ARHGAP22: variants seen among roughly 807,000 people sequenced by gnomAD.
ARHGAP22 encodes the protein rho GTPase-activating protein 22.
In ARHGAP22, 48 loss-of-function variants were observed where a neutral mutation model predicts 59.1. That is an observed-to-expected ratio of 0.81 (90% confidence interval 0.64 to 1.03). ARHGAP22 has a LOEUF of 1.03. Among genes scored for constraint, ARHGAP22 ranks in the 50% least tolerant of loss-of-function variants. The pLI is 0.00. For missense variants in ARHGAP22, 1,015 were observed against 958.7 expected (o/e 1.06, Z -0.78); for synonymous variants, 445 against 416.4 (o/e 1.07, Z -0.84).
intron 2 of ARHGAP22, among the ~76,000 whole-genome samples, chr10:48,568,911 C>T (rs906059773): frequency 1.2e-4 from 18 of 152,342 alleles, no homozygotes; most frequent in African/African-American, 3.6e-4. Context: ...TCTCTGCCCA[C>T]GAAGAACAGA....
intron 1 of ARHGAP22, among the ~76,000 whole-genome samples, chr10:48,602,435 G>C (rs141831112): frequency 6.6e-6 from 1 of 151,744 alleles, no homozygotes; most frequent in Admixed American, 6.6e-5. Flanking sequence ...AAATATATAC[G>C]AGTTAAAAAC....
chr10:48,450,933 G>T lies in ARHGAP22; in HGVS notation c.1196C>A (p.Ala399Glu), dbSNP rs562540136. Residue 399 changes from alanine to glutamate, a missense_variant, in exon 9 of 10, where the codon GCG (alanine) becomes GAG (glutamate). Ala to Glu is a moderately radical substitution (Grantham distance 107). Coordinates refer to ENST00000249601, the MANE Select transcript of ARHGAP22 (RefSeq NM_021226.4). ...TGTTCTGGAGAGCACCGCCACGGCC[G>T]CCCCGTCCAGGGAAGAGGTCCTGTG... ...PAHRTSSLDGAAVAVLSRTAP... is the reference protein window; with the variant it reads ...PAHRTSSLDGEAVAVLSRTAP... The T allele has an allele frequency of 3.1e-6, 5 of 1,587,952 alleles. No homozygotes were observed. Among genetic ancestry groups the T allele is most frequent in the Admixed American group, 3.5e-5 (2 of 56,742 alleles).
chr10:48,555,448 G>A lies in ARHGAP22; in HGVS notation c.322+15C>T, dbSNP rs766591967. 6.2e-6 allele frequency: 10 copies of A among 1,612,690 alleles called. No homozygotes were observed. In the Admixed American group the frequency reaches 1.5e-4, roughly 24 times the overall value. ...CCCCACCAGGGCTGCAGAGCTGGAA[G>A]GTGCTCAGGCCTACCTGGGCTGATC... On this transcript the variant is annotated intron_variant, in intron 3 of 9. Coordinates refer to ENST00000249601, the MANE Select transcript of ARHGAP22 (RefSeq NM_021226.4).
intron 1 of ARHGAP22, among the ~76,000 whole-genome samples, chr10:48,612,721 G>A (rs1013919739): frequency 2.0e-5 from 3 of 152,172 alleles, no homozygotes; most frequent in Non-Finnish European, 4.4e-5. Context: ...TTTCCTTTCT[G>A]TGACTCACAA....
chr10:48,498,344 C>A (rs973092211), intron 3 of ARHGAP22, among the ~76,000 whole-genome samples: 1 of 152,116 alleles, frequency 6.6e-6, no homozygotes, highest in African/African-American at 2.4e-5. Flanking sequence ...ACAATGAAGG[C>A]CCCTGAACAA....
chr10:48,454,884 G>GCCT, intron 6 of ARHGAP22, 118 bp downstream of exon 6: 1 of 1,282,620 alleles, frequency 7.8e-7, no homozygotes, highest in South Asian at 2.0e-5. Context: ...AACACAGCAG[G>GCCT]CCTCCACAGG....
chr10:48,635,601 C>T (rs1314749964), intron 1 of ARHGAP22, among the ~76,000 whole-genome samples: 3 of 152,258 alleles, frequency 2.0e-5, no homozygotes, highest in African/African-American at 7.2e-5. Context: ...GGGTAACCCC[C>T]ACCCTCTCCC....
intron 1 of ARHGAP22, among the ~76,000 whole-genome samples, chr10:48,633,715 G>A (rs933134860): frequency 3.3e-5 from 5 of 152,236 alleles, no homozygotes; most frequent in African/African-American, 7.2e-5. Flanking sequence ...CAGCAGCAGG[G>A]AGGGAGGGCT....
intron 1 of ARHGAP22, among the ~76,000 whole-genome samples, chr10:48,640,618 A>G (rs1162089290): frequency 6.6e-6 from 1 of 152,138 alleles, no homozygotes; most frequent in African/African-American, 2.4e-5. Flanking sequence ...AGAATTCTAT[A>G]TCAAAAAATA....
rs567828949 is a variant in ARHGAP22, at chr10:48,578,057, C to T, written c.234+4896G>A. Among the ~76,000 whole-genome samples, 4 of 152,188 alleles carry T rather than the reference C, an allele frequency of 2.6e-5. No homozygotes were observed. In the East Asian group the frequency reaches 7.7e-4, roughly 29 times the overall value. On this transcript the variant is annotated intron_variant, in intron 2 of 9. Transcript: ENST00000249601. The stretch of plus-strand genomic sequence containing the variant: ...CTCCTGACCTCAAATGATCTGCCTG[C>T]CTTGGCCTCCCAAAGTGCTGGGACT...
intron 8 of ARHGAP22, among the ~76,000 whole-genome samples, chr10:48,452,141 C>T (rs2046032817): frequency 6.6e-6 from 1 of 152,188 alleles, no homozygotes; most frequent in Non-Finnish European, 1.5e-5. Flanking sequence ...CCTGGGGACT[C>T]AGTTCCTACG....
chr10:48,450,557 G>A lies in ARHGAP22; in HGVS notation c.1572C>T (p.Gly524=). The A allele has an allele frequency of 6.6e-7, 1 of 1,525,392 alleles. No individual in the cohort carries two copies. The allele number at this position is 1,525,392 out of a possible 1,614,324, so 94.5% of individuals were successfully genotyped here. A position where few individuals can be genotyped will look rare whatever the true frequency, so the allele number is the denominator to read the frequency against. ...GASSSESSVG[G]SLSSCTACRA... is the part of the protein sequence containing the mutation. ...GGCAGGCCGTGCAGCTGCTGAGTGA[G>A]CCCCCCACCGACGACTCGCTGGACG... The change falls in exon 9 of 10, where the codon GGC becomes GGT. Residue 524 remains glycine, a synonymous_variant. Transcript: ENST00000249601.
intron 2 of ARHGAP22, among the ~76,000 whole-genome samples, chr10:48,577,831 G>T (rs1218266100): frequency 2.6e-5 from 1 of 39,026 alleles, no homozygotes; most frequent in African/African-American, 9.2e-5. Context: ...TTTTTTTTTG[G>T]AGACAGAGTC....
chr10:48,565,956 A>G (rs2058024059), intron 2 of ARHGAP22, among the ~76,000 whole-genome samples: 1 of 152,108 alleles, frequency 6.6e-6, no homozygotes, highest in African/African-American at 2.4e-5. Context: ...CTAGTGTGTG[A>G]TGACAGTCCA....
At chr10:48,526,778 C>T (rs1239796833) in intron 3 of ARHGAP22, among the ~76,000 whole-genome samples, 3 of 152,214 alleles carry the variant, frequency 2.0e-5, no homozygotes, top group African/African-American at 4.8e-5. Flanking sequence ...AAAGGGTCAA[C>T]GTCCCCATTG....
intron 2 of ARHGAP22, among the ~76,000 whole-genome samples, chr10:48,570,542 G>T (rs1165617699): frequency 6.6e-6 from 1 of 152,198 alleles, no homozygotes; most frequent in East Asian, 1.9e-4. Context: ...TTTATGCTCA[G>T]GTTTGTTTTT....
rs1382877167 is a variant in ARHGAP22 at position 48,450,575 on chromosome 10, G to A, written c.1554C>T (p.Ser518=). The A allele has an allele frequency of 3.3e-6, 5 of 1,536,792 alleles. No homozygotes were observed. The highest frequency in any genetic ancestry group is 2.4e-5 in the East Asian group (1 of 40,832). ...ASMAWSGASS[S]ESSVGGSLSS... is the part of the protein sequence containing the mutation. ...TGAGTGAGCCCCCCACCGACGACTC[G>A]CTGGACGAGGCCCCGGACCACGCCA... is the stretch of plus-strand genomic sequence containing the variant. The change falls in exon 9 of 10, where the codon AGC becomes AGT. Residue 518 remains serine, a synonymous_variant. Coordinates refer to ENST00000249601, the MANE Select transcript of ARHGAP22 (RefSeq NM_021226.4).
At chr10:48,504,485 A>G (rs2051871585) in intron 3 of ARHGAP22, among the ~76,000 whole-genome samples, 2 of 152,302 alleles carry the variant, frequency 1.3e-5, no homozygotes, top group African/African-American at 2.4e-5. Context: ...GATGGATGGG[A>G]TAACAGAAAT....
At chr10:48,524,012 G>A in intron 3 of ARHGAP22, 1 of 1,446,678 alleles carries the variant, frequency 6.9e-7, no homozygotes, top group Non-Finnish European at 9.1e-7. Flanking sequence ...GCCTCTGGCG[G>A]CGGCCGCAGG....
Sources: allele counts gnomAD v4.1 joint callset (sites outside exome capture counted in the v4.1 genomes callset), GRCh38; gene constraint gnomAD v4.1.1; transcripts MANE v1.5; gene names NCBI Gene and HGNC (gene_info 2026-07-23, HGNC 2026-07-21).